TMEM132B: variants seen among roughly 807,000 people sequenced by gnomAD.
TMEM132B encodes the protein transmembrane protein 132B.
Under a neutral mutation model 90.8 loss-of-function variants are expected in TMEM132B, and 18 were observed. That is an observed-to-expected ratio of 0.20 (90% CI 0.14 to 0.29). The LOEUF (loss-of-function observed/expected upper bound fraction) is 0.29. Among genes scored for constraint, TMEM132B ranks in the 10% least tolerant of loss-of-function variants. The probability of loss-of-function intolerance (pLI) is 1.00; values close to 1 mark genes in which losing one functional copy is unlikely to be tolerated. For missense variants in TMEM132B, 1,096 were observed against 1,326.8 expected (o/e 0.83, Z 2.70); for synonymous variants, 504 against 523.3 (o/e 0.96, Z 0.50).
chr12:125,263,485 G>T (rs566241069), intron 1 of TMEM132B, among the ~76,000 whole-genome samples: 1 of 152,222 alleles, frequency 6.6e-6, no homozygotes, highest in Admixed American at 6.5e-5. Context: ...TGGCGAGGAC[G>T]TTGTGTTTTT....
intron 5 of TMEM132B, among the ~76,000 whole-genome samples, chr12:125,643,109 T>G (rs1479215534): frequency 1.3e-5 from 2 of 152,138 alleles, no homozygotes; most frequent in East Asian, 3.9e-4. Flanking sequence ...AGGCCTGAGT[T>G]GTAGTTACAG....
chr12:125,250,832 A>T (rs1404802046), intron 1 of TMEM132B, among the ~76,000 whole-genome samples: 1 of 152,176 alleles, frequency 6.6e-6, no homozygotes, highest in East Asian at 1.9e-4. Flanking sequence ...GCCCCTGCCC[A>T]CGGTCTGCTG....
chr12:125,367,817 A>G (rs1026655301), intron 2 of TMEM132B, among the ~76,000 whole-genome samples: 1 of 152,086 alleles, frequency 6.6e-6, no homozygotes, highest in Non-Finnish European at 1.5e-5. Flanking sequence ...CTCAACCATT[A>G]CCAGAAATAG....
At chr12:125,409,571 T>TGAGTGGAGTG (rs139454581) in intron 2 of TMEM132B, among the ~76,000 whole-genome samples, 6 of 119,680 alleles carry the variant, frequency 5.0e-5, no homozygotes, top group African/African-American at 1.9e-4. Context: ...TGGAGTGGAG[T>TGAGTGGAGTG]GAGTGGAGTG....
chr12:125,437,395 C>T (rs1185450202), intron 3 of TMEM132B, among the ~76,000 whole-genome samples: 1 of 152,136 alleles, frequency 6.6e-6, no homozygotes, highest in African/African-American at 2.4e-5. Context: ...CTATAAACAA[C>T]CCTGTATAAG....
At position 125,659,689 on chromosome 12, in the gene TMEM132B, A is replaced by G. The variant is rs1887160884; in HGVS notation, c.*4979A>G. On this transcript the variant is annotated 3_prime_UTR_variant, in exon 9 of 9. Transcript: ENST00000682704. ...CTCCTTGCTTTTAGGATGAATAGGG[A>G]TGCCTCTTTGGCGATAATTTGACGT... is the stretch of plus-strand genomic sequence containing the variant. The G allele has an allele frequency of 6.6e-6, 1 of 152,228 alleles. No individual in the cohort carries two copies. The highest frequency in any genetic ancestry group is 2.4e-5 in the African/African-American group (1 of 41,444). 9.4% of individuals were successfully genotyped at this position (152,228 alleles called of 1,614,324 possible).
At chr12:125,515,321 T>C (rs1478657421) in intron 3 of TMEM132B, among the ~76,000 whole-genome samples, 2 of 151,556 alleles carry the variant, frequency 1.3e-5, no homozygotes, top group African/African-American at 2.4e-5. Flanking sequence ...ACATGTTCTC[T>C]TACAGAAACA....
rs1310625446 is a variant in TMEM132B at position 125,498,647 on chromosome 12, A to G, written c.1107-20792A>G. ...AACTCAGGAGACAGGTAAAGAGGAT[A>G]CCCCCTGATTCTAGTTGGAAAGACC... is the stretch of plus-strand genomic sequence containing the variant. On this transcript the variant is annotated intron_variant, in intron 3 of 8. Transcript: ENST00000682704. The surrounding 1 kb of genome is among the most constrained non-coding windows in gnomAD (Gnocchi z 4.5). Among the ~76,000 whole-genome samples the G allele has an allele frequency of 1.3e-5, 2 of 152,120 alleles. No individual in the cohort carries two copies. The highest frequency in any genetic ancestry group is 2.9e-5 in the Non-Finnish European group (2 of 68,028).
At chr12:125,637,540 T>G (rs1482850856) in intron 5 of TMEM132B, among the ~76,000 whole-genome samples, 1 of 152,042 alleles carries the variant, frequency 6.6e-6, no homozygotes, top group Non-Finnish European at 1.5e-5. Context: ...TGAACATTGG[T>G]TCCATCCGGA....
chr12:125,522,059 G>A (rs865379), intron 4 of TMEM132B, among the ~76,000 whole-genome samples: 21,693 of 152,110 alleles, frequency 0.14, 2,003 homozygotes, highest in East Asian at 0.48. Flanking sequence ...GCCAAGTCTC[G>A]TTCCTCTCAG....
intron 1 of TMEM132B, among the ~76,000 whole-genome samples, chr12:125,239,721 C>T (rs968227309): frequency 7.9e-5 from 12 of 152,218 alleles, no homozygotes; most frequent in Admixed American, 1.3e-4. Flanking sequence ...CAGGGCTACC[C>T]TCTGCTCATC....
chr12:125,564,617 T>A (rs1311225897), intron 4 of TMEM132B, among the ~76,000 whole-genome samples: 1 of 152,198 alleles, frequency 6.6e-6, no homozygotes, highest in Non-Finnish European at 1.5e-5. Context: ...ATTGAAGGGC[T>A]TAAGGAACTA....
chr12:125,518,098 G>A (rs12099678), intron 3 of TMEM132B, among the ~76,000 whole-genome samples: 19,548 of 152,162 alleles, frequency 0.13, 1,738 homozygotes, highest in Admixed American at 0.3. Context: ...AGTACAATGT[G>A]GTTTCCCTTT....
At chr12:125,266,712 A>G (rs556917718) in intron 1 of TMEM132B, among the ~76,000 whole-genome samples, 26 of 152,228 alleles carry the variant, frequency 1.7e-4, no homozygotes, top group Admixed American at 1.6e-3. Flanking sequence ...TGATACTTCA[A>G]TGATTTCTTT....
rs796455281 is a variant in TMEM132B at position 125,546,189 on chromosome 12, C to CT, written c.1293+26575dup. 4.9e-3 allele frequency among the ~76,000 whole-genome samples: 724 copies of CT among 146,426 alleles called. 7 individuals are homozygous for CT. The highest frequency in any genetic ancestry group is 0.015 in the African/African-American group (618 of 40,220). ...TCCAGGCAAGTATTGTCTTTCTTTT[C>CT]TTTTTTTTTTTGAGACAGAGTCTTG... On this transcript the variant is annotated intron_variant, in intron 4 of 8. Transcript: ENST00000682704.
At chr12:125,400,083 A>G (rs1239380195) in intron 2 of TMEM132B, among the ~76,000 whole-genome samples, 1 of 152,178 alleles carries the variant, frequency 6.6e-6, no homozygotes, top group African/African-American at 2.4e-5. Flanking sequence ...ATTGCCTACA[A>G]ATCACCTCTC....
intron 5 of TMEM132B, among the ~76,000 whole-genome samples, chr12:125,613,728 T>C (rs146533106): frequency 9.2e-5 from 14 of 152,168 alleles, no homozygotes; most frequent in African/African-American, 3.4e-4. Context: ...ATTACATGTC[T>C]ATATGTTATA....
intron 3 of TMEM132B, among the ~76,000 whole-genome samples, chr12:125,423,377 G>A (rs1401713243): frequency 1.3e-5 from 2 of 152,108 alleles, no homozygotes; most frequent in African/African-American, 2.4e-5. Flanking sequence ...CAGGGCACCC[G>A]CCTGTAGGGA....
At chr12:125,534,518 G>A (rs532357207) in intron 4 of TMEM132B, among the ~76,000 whole-genome samples, 2 of 152,140 alleles carry the variant, frequency 1.3e-5, no homozygotes, top group South Asian at 2.1e-4. Flanking sequence ...ACCTGTCTCA[G>A]ATTTTCCACC....
Sources: gnomAD v4.1 joint callset for allele counts (sites outside exome capture counted in the v4.1 genomes callset) on GRCh38, gnomAD v4.1.1 for gene constraint, Gnocchi (gnomAD v3.1) non-coding constraint, MANE v1.5 for transcripts, NCBI Gene and HGNC (gene_info 2026-07-23, HGNC 2026-07-21) for gene names.